The following NLRP5 variants were observed in gnomAD, a reference collection of about 807,000 sequenced individuals.
NLRP5 encodes NLR family pyrin domain containing 5.
Under a neutral mutation model 113.1 loss-of-function variants are expected in NLRP5, and 93 were observed. The observed-to-expected ratio is 0.82, with a 90% CI of 0.70 to 0.98. The LOEUF is 0.98. Ranked by LOEUF, NLRP5 falls within the 50% of genes least tolerant of loss-of-function variation. The probability of loss-of-function intolerance (pLI) is 0.00; values close to 1 mark genes in which losing one functional copy is unlikely to be tolerated. For missense variants in NLRP5, 1,808 were observed against 1,514.3 expected (o/e 1.19, Z -3.22); for synonymous variants, 751 against 600.7 (o/e 1.25, Z -3.66).
At chr19:56,031,536 C>A (rs1983113474) in intron 7 of NLRP5, among the ~76,000 whole-genome samples, 2 of 148,604 alleles carry the variant, frequency 1.3e-5, no homozygotes, top group South Asian at 4.2e-4. Flanking sequence ...GAGGCTGAGG[C>A]AGGAAAATCA....
At chr19:56,030,698 CA>C (rs1983063804) in intron 7 of NLRP5, among the ~76,000 whole-genome samples, 4 of 109,652 alleles carry the variant, frequency 3.6e-5, no homozygotes, top group Non-Finnish European at 7.2e-5. Context: ...TACTTACATT[CA>C]TTCGCTTTCT....
At chr19:56,037,799 GGC>G (rs1388297913) in intron 9 of NLRP5, among the ~76,000 whole-genome samples, 1 of 151,970 alleles carries the variant, frequency 6.6e-6, no homozygotes, top group Non-Finnish European at 1.5e-5. Context: ...TTACCCGAAA[GGC>G]GACCTTCAAG....
chr19:56,053,915 C>T, intron 13 of NLRP5, 107 bp downstream of exon 13: 2 of 1,048,084 alleles, frequency 1.9e-6, no homozygotes, highest in Middle Eastern at 6.3e-4. Context: ...CCATGAGTCC[C>T]TCAAGTTAGA....
intron 2 of NLRP5, among the ~76,000 whole-genome samples, chr19:56,005,386 TACATATACACAC>T (rs1403072071): frequency 6.1e-5 from 9 of 147,404 alleles, no homozygotes; most frequent in East Asian, 2.0e-4. Context: ...TATTTATATA[TACATATACACAC>T]ACATATACAC....
upstream of NLRP5, among the ~76,000 whole-genome samples, chr19:55,998,708 G>A (rs79983824): frequency 0.42 from 24,253 of 57,144 alleles, 3,839 homozygotes; most frequent in Non-Finnish European, 0.46. Flanking sequence ...ATATATGTGT[G>A]TGTGTGTATA....
At chr19:56,002,578 T>G (rs1183771591) in intron 1 of NLRP5, among the ~76,000 whole-genome samples, 1 of 151,328 alleles carries the variant, frequency 6.6e-6, no homozygotes, top group African/African-American at 2.4e-5. Context: ...ACTCATCATT[T>G]AGCATTAGGT....
intron 2 of NLRP5, among the ~76,000 whole-genome samples, chr19:56,007,892 CGT>C (rs199699089): frequency 0.46 from 48,390 of 106,018 alleles, 11,690 homozygotes; most frequent in Non-Finnish European, 0.54. Flanking sequence ...TGTGTGTGCG[CGT>C]GCGCGCGTGC....
chr19:56,022,595 T>C (rs1033567230), intron 6 of NLRP5, among the ~76,000 whole-genome samples: 29 of 152,214 alleles, frequency 1.9e-4, no homozygotes, highest in Admixed American at 1.3e-4. Context: ...ATTAAATTTA[T>C]GTAAAACAAG....
At chr19:56,055,836 C>T (rs192387510) in intron 13 of NLRP5, among the ~76,000 whole-genome samples, 91 of 152,208 alleles carry the variant, frequency 6.0e-4, no homozygotes, top group Admixed American at 3.7e-3. Flanking sequence ...TAAGCCACCG[C>T]GCCTGGCCTG....
At chr19:56,055,817 T>C (rs557145103) in intron 13 of NLRP5, among the ~76,000 whole-genome samples, 15 of 152,244 alleles carry the variant, frequency 9.9e-5, no homozygotes, top group Non-Finnish European at 2.1e-4. Flanking sequence ...AGTGCTGGGA[T>C]TACAGGCATA....
rs777565838 is a variant in NLRP5 at position 56,028,485 on chromosome 19, A to G, written c.2252A>G (p.Glu751Gly). Residue 751 changes from glutamate to glycine, a missense_variant, in exon 7 of 15, where the codon GAG becomes GGG. Coordinates refer to ENST00000390649, the MANE Select transcript of NLRP5 (RefSeq NM_153447.4). ...ATCTTCCCAAGAGATGAGTCCGCTG[A>G]GGCATGTCCTGTGGTCCCTCTATGG... 3 of 1,613,550 alleles carry G rather than the reference A, an allele frequency of 1.9e-6. No individual in the cohort carries two copies. The African/African-American group carries it at 4.0e-5, about 22-fold the overall frequency.
chr19:56,027,596 T>C lies in NLRP5; in HGVS notation c.1363T>C (p.Leu455=). The change falls in exon 7 of 15, where the codon TTG becomes CTG. Residue 455 remains leucine, a synonymous_variant. Coordinates refer to ENST00000390649, the MANE Select transcript of NLRP5 (RefSeq NM_153447.4). ...TGGTGAGCATCAGAAGACACAAGGG[T>C]TGCGTGCGATCATGAACAACCGTGA... 6.2e-7 allele frequency: 1 copy of C among 1,613,836 alleles called. No individual in the cohort carries two copies. The highest frequency in any genetic ancestry group is 2.2e-5 in the East Asian group (1 of 44,876).
the NLRP5 span, among the ~76,000 whole-genome samples, chr19:55,992,931 C>A: frequency 6.6e-6 from 1 of 152,022 alleles, no homozygotes; most frequent in Non-Finnish European, 1.5e-5. Context: ...CTCACTGCAA[C>A]CTCTGCCTCC....
chr19:56,021,336 T>A (rs1422422167), intron 6 of NLRP5, among the ~76,000 whole-genome samples: 1 of 152,166 alleles, frequency 6.6e-6, no homozygotes, highest in Non-Finnish European at 1.5e-5. Flanking sequence ...GAGATATAAT[T>A]AGGATTTTAT....
chr19:56,007,091 C>A (rs980457995), intron 2 of NLRP5, among the ~76,000 whole-genome samples: 1 of 151,072 alleles, frequency 6.6e-6, no homozygotes, highest in Non-Finnish European at 1.5e-5. Context: ...GGCTGGGCAC[C>A]GTGGCTCACG....
chr19:56,045,202 CTCG>C (rs1983677550), intron 11 of NLRP5, among the ~76,000 whole-genome samples: 1 of 152,132 alleles, frequency 6.6e-6, no homozygotes, highest in Non-Finnish European at 1.5e-5. Flanking sequence ...TTATCTTTCT[CTCG>C]TCTGATTACT....
intron 12 of NLRP5, among the ~76,000 whole-genome samples, chr19:56,052,241 GTTTTGT>G (rs1243098026): frequency 3.7e-5 from 5 of 133,338 alleles, no homozygotes; most frequent in African/African-American, 1.4e-4. Context: ...GTGGGGTTTT[GTTTTGT>G]TTTGTTTTTG....
At chr19:55,991,281 G>A in the NLRP5 span, among the ~76,000 whole-genome samples, 8 of 152,162 alleles carry the variant, frequency 5.3e-5, no homozygotes, top group African/African-American at 1.7e-4. Flanking sequence ...CCCGGAAATG[G>A]TGACCTTCTA....
At chr19:55,996,943 G>T (rs564885387), upstream of NLRP5, among the ~76,000 whole-genome samples, 1 of 152,272 alleles carries the variant, frequency 6.6e-6, no homozygotes, top group Admixed American at 6.5e-5. Context: ...CTAGTTTACA[G>T]TCCCACCAAC....
Sources: gnomAD v4.1 joint callset for allele counts (sites outside exome capture counted in the v4.1 genomes callset) on GRCh38, gnomAD v4.1.1 for gene constraint, MANE v1.5 for transcripts, NCBI Gene and HGNC (gene_info 2026-07-23, HGNC 2026-07-21) for gene names.